KCNT2: variants seen among roughly 807,000 people sequenced by gnomAD.
KCNT2 encodes the protein potassium sodium-activated channel subfamily T member 2.
A neutral mutation model predicts 153.8 loss-of-function variants in KCNT2; 67 were observed. The observed-to-expected ratio is 0.44, with a 90% CI of 0.36 to 0.53. The LOEUF is 0.53. Among genes scored for constraint, KCNT2 ranks in the 20% least tolerant of loss-of-function variants. The pLI is 0.00. For missense variants in KCNT2, 975 were observed against 1,354.8 expected, an observed-to-expected ratio of 0.72 and a Z score of 4.40; for synonymous variants, 500 against 458.8, an observed-to-expected ratio of 1.09 and a Z score of -1.15.
chr1:196,603,242 T>G (rs1664955291), intron 1 of KCNT2, among the ~76,000 whole-genome samples: 1 of 152,194 alleles, frequency 6.6e-6, no homozygotes, highest in Non-Finnish European at 1.5e-5. Context: ...TTGTAGATAT[T>G]GTATATGCAT....
intron 8 of KCNT2, among the ~76,000 whole-genome samples, chr1:196,442,816 T>C (rs139035676): frequency 1.3e-5 from 2 of 151,840 alleles, no homozygotes; most frequent in African/African-American, 4.8e-5. Flanking sequence ...GCTTTGCCTA[T>C]ACAACAAGAC....
At chr1:196,526,015 C>CTGTGTGTGTGTG (rs369541629) in intron 1 of KCNT2, among the ~76,000 whole-genome samples, 7 of 140,148 alleles carry the variant, frequency 5.0e-5, no homozygotes, top group South Asian at 2.4e-4. Flanking sequence ...AGAACTGACT[C>CTGTGTGTGTGTG]TGTGTGTGTG....
At chr1:196,525,371 G>A (rs1432140266) in intron 1 of KCNT2, among the ~76,000 whole-genome samples, 1 of 151,912 alleles carries the variant, frequency 6.6e-6, no homozygotes, top group Admixed American at 6.6e-5. Flanking sequence ...GTATTTTTAT[G>A]CTTTTTGTTC....
At chr1:196,489,462 G>A (rs998682601) in intron 3 of KCNT2, among the ~76,000 whole-genome samples, 1 of 151,934 alleles carries the variant, frequency 6.6e-6, no homozygotes, top group African/African-American at 2.4e-5. Context: ...GTCTTATGAG[G>A]AGATTACAAT....
chr1:196,434,230 T>C (rs1408471273), intron 8 of KCNT2, among the ~76,000 whole-genome samples: 1 of 152,076 alleles, frequency 6.6e-6, no homozygotes, highest in Admixed American at 6.6e-5. Flanking sequence ...TAAAATAACA[T>C]ATGTTTGAGA....
At chr1:196,381,197 A>G (rs1669458825) in intron 13 of KCNT2, among the ~76,000 whole-genome samples, 1 of 152,136 alleles carries the variant, frequency 6.6e-6, no homozygotes, top group African/African-American at 2.4e-5. Flanking sequence ...TTGATGTTTC[A>G]GGCTATTAAA....
At chr1:196,543,120 T>A (rs1312484528) in intron 1 of KCNT2, among the ~76,000 whole-genome samples, 1 of 152,154 alleles carries the variant, frequency 6.6e-6, no homozygotes, top group Non-Finnish European at 1.5e-5. Context: ...GTTGTGGTAG[T>A]CTTGAAAGCT....
chr1:196,333,903 TAGA>T lies in KCNT2; in HGVS notation c.1938_1940del (p.Leu647del), dbSNP rs1461775792. On this transcript the variant is annotated inframe_deletion, in exon 17 of 28. Transcript: ENST00000294725. ...TAGTTTCATCTTCTGATTGGTCACT[TAGA>T]AGATCACATGTTTGAATCGATGATG... 1.2e-6 allele frequency: 2 copies of T among 1,612,570 alleles called. No individual in the cohort carries two copies. The highest frequency in any genetic ancestry group is 1.7e-6 in the Non-Finnish European group (2 of 1,178,934).
At chr1:196,532,188 T>G (rs1655031979) in intron 1 of KCNT2, among the ~76,000 whole-genome samples, 1 of 152,102 alleles carries the variant, frequency 6.6e-6, no homozygotes, top group Non-Finnish European at 1.5e-5. Flanking sequence ...CCATGAGACA[T>G]CTTTTCAAAG....
intron 1 of KCNT2, among the ~76,000 whole-genome samples, chr1:196,502,819 A>G (rs1212435634): frequency 6.6e-6 from 1 of 152,182 alleles, no homozygotes; most frequent in Non-Finnish European, 1.5e-5. Flanking sequence ...TTTTATTTAA[A>G]ATAATTAAAT....
intron 1 of KCNT2, among the ~76,000 whole-genome samples, chr1:196,496,739 C>T (rs1680288866): frequency 6.6e-6 from 1 of 152,202 alleles, no homozygotes; most frequent in South Asian, 2.1e-4. Context: ...AGGGGCCAGG[C>T]AGGATCCCAC....
chr1:196,562,498 T>G (rs1405039279), intron 1 of KCNT2, among the ~76,000 whole-genome samples: 1 of 151,914 alleles, frequency 6.6e-6, no homozygotes, highest in Non-Finnish European at 1.5e-5. Context: ...AGAATTTTAT[T>G]TTTTAGTTTA....
chr1:196,471,684 T>C (rs1238263246), intron 5 of KCNT2, among the ~76,000 whole-genome samples: 4 of 152,176 alleles, frequency 2.6e-5, no homozygotes, highest in Non-Finnish European at 1.5e-5. Context: ...TGGCAGATTG[T>C]ATAATTTAGT....
chr1:196,277,895 C>T (rs1658725283), intron 25 of KCNT2, among the ~76,000 whole-genome samples: 1 of 151,806 alleles, frequency 6.6e-6, no homozygotes, highest in African/African-American at 2.4e-5. Context: ...ACCTCAATGT[C>T]TTTATTGGGT....
intron 27 of KCNT2, 78 bp downstream of exon 27, chr1:196,235,908 T>C: frequency 1.2e-6 from 1 of 848,196 alleles, no homozygotes; most frequent in Non-Finnish European, 1.9e-6. Context: ...GAGGCTATTA[T>C]GGCCTAAATA....
At chr1:196,259,522 A>C (rs897361722) in intron 25 of KCNT2, 5 of 152,106 alleles carry the variant, frequency 3.3e-5, no homozygotes, top group Non-Finnish European at 1.5e-5. Context: ...CTACGGATGG[A>C]ATCTTGAACT....
intron 25 of KCNT2, among the ~76,000 whole-genome samples, chr1:196,266,882 T>G (rs1244394974): frequency 6.6e-6 from 1 of 152,206 alleles, no homozygotes; most frequent in East Asian, 1.9e-4. Context: ...TTGACAAATA[T>G]GTTCTATTAA....
chr1:196,428,324 C>G (rs1412519846), intron 9 of KCNT2, 55 bp from the exon 10 acceptor site: 1 of 1,194,196 alleles, frequency 8.4e-7, no homozygotes, highest in Non-Finnish European at 1.2e-6. Flanking sequence ...ATAAATAAAT[C>G]AATGCAATAC....
chr1:196,490,801 ATTACT>A (rs1679801036), intron 2 of KCNT2, among the ~76,000 whole-genome samples: 1 of 151,644 alleles, frequency 6.6e-6, no homozygotes, highest in Non-Finnish European at 1.5e-5. Context: ...CTTTCCTGTA[ATTACT>A]TTACGATATC....
Sources: allele counts gnomAD v4.1 joint callset (sites outside exome capture counted in the v4.1 genomes callset), GRCh38; gene constraint gnomAD v4.1.1; transcripts MANE v1.5; gene names NCBI Gene and HGNC (gene_info 2026-07-23, HGNC 2026-07-21).